DACH1: variants seen among roughly 807,000 people sequenced by gnomAD.
DACH1 encodes the protein dachshund homolog 1.
DACH1 carries 12 observed loss-of-function variants against 54.2 expected under a neutral mutation model. The ratio of observed to expected loss-of-function variants is 0.22; its 90% CI spans 0.14 to 0.36. The LOEUF (loss-of-function observed/expected upper bound fraction) is 0.36. DACH1 is among the 10% of genes least tolerant of loss of function. DACH1 has a pLI of 1.00. For synonymous variants in DACH1, 386 were observed against 366.2 expected (o/e 1.05, Z -0.62); for missense variants, 805 against 929.8 (o/e 0.87, Z 1.75).
At chr13:71,569,440 T>C (rs150872487) in intron 4 of DACH1, among the ~76,000 whole-genome samples, 83 of 152,318 alleles carry the variant, frequency 5.4e-4, no homozygotes, top group African/African-American at 1.6e-3. Context: ...GAATTTCATA[T>C]AATTCTCATG....
intron 6 of DACH1, among the ~76,000 whole-genome samples, chr13:71,523,015 T>C (rs1422011397): frequency 1.3e-5 from 2 of 152,150 alleles, no homozygotes; most frequent in African/African-American, 4.8e-5. Context: ...CTGCAATTAC[T>C]GAATGCCACT....
At chr13:71,502,767 C>A (rs145873964) in intron 6 of DACH1, among the ~76,000 whole-genome samples, 1 of 152,260 alleles carries the variant, frequency 6.6e-6, no homozygotes, top group East Asian at 1.9e-4. Context: ...CCATAAGAAC[C>A]TTGTGTAGGT....
At chr13:71,515,386 C>A (rs1566309663) in intron 6 of DACH1, among the ~76,000 whole-genome samples, 1 of 151,782 alleles carries the variant, frequency 6.6e-6, no homozygotes, top group Non-Finnish European at 1.5e-5. Context: ...TGAATATTTT[C>A]ACGGAGTCAG....
At chr13:71,648,398 C>A (rs567413970) in intron 2 of DACH1, among the ~76,000 whole-genome samples, 23 of 151,842 alleles carry the variant, frequency 1.5e-4, no homozygotes, top group African/African-American at 5.6e-4. Context: ...TCAAGAGAGG[C>A]GACGAGAAGA....
intron 6 of DACH1, among the ~76,000 whole-genome samples, chr13:71,506,753 A>G (rs1880362894): frequency 2.0e-5 from 3 of 152,154 alleles, no homozygotes; most frequent in South Asian, 2.1e-4. Flanking sequence ...ATAATGCCAC[A>G]TATCTACAAC....
intron 7 of DACH1, among the ~76,000 whole-genome samples, chr13:71,484,819 G>A (rs528353588): frequency 6.4e-4 from 98 of 152,230 alleles, no homozygotes; most frequent in African/African-American, 2.3e-3. Flanking sequence ...TGTAACCCCA[G>A]CACTTTGGGA....
chr13:71,522,606 C>T (rs900867654), intron 6 of DACH1, among the ~76,000 whole-genome samples: 1 of 152,006 alleles, frequency 6.6e-6, no homozygotes, highest in African/African-American at 2.4e-5. Flanking sequence ...CAAATACAAC[C>T]TTCAGTTTAT....
chr13:71,864,180 T>TACAC (rs55651625), intron 1 of DACH1, among the ~76,000 whole-genome samples: 3,224 of 108,408 alleles, frequency 0.03, 51 homozygotes, highest in Middle Eastern at 0.061. Flanking sequence ...CGCGCGCACA[T>TACAC]ACACACACAC....
chr13:71,672,806 A>G (rs1432412090), intron 2 of DACH1, among the ~76,000 whole-genome samples: 1 of 152,186 alleles, frequency 6.6e-6, no homozygotes, highest in Non-Finnish European at 1.5e-5. Context: ...GGATTAGAAC[A>G]CTAAGAATTT....
At chr13:71,839,770 T>A (rs1279909574) in intron 1 of DACH1, among the ~76,000 whole-genome samples, 19 of 152,142 alleles carry the variant, frequency 1.2e-4, no homozygotes, top group Admixed American at 1.2e-3. Context: ...ATTATTTATG[T>A]TCACTAAACC....
intron 2 of DACH1, among the ~76,000 whole-genome samples, chr13:71,681,403 T>C (rs565854966): frequency 6.6e-6 from 1 of 152,214 alleles, no homozygotes; most frequent in Non-Finnish European, 1.5e-5. Flanking sequence ...TATCAATTTC[T>C]GGAATGCTAA....
At chr13:71,465,764 T>C (rs1876513309) in intron 10 of DACH1, among the ~76,000 whole-genome samples, 1 of 152,106 alleles carries the variant, frequency 6.6e-6, no homozygotes, top group Admixed American at 6.5e-5. Context: ...AATTAACGTA[T>C]TGACTATAAT....
At chr13:71,786,531 G>T (rs574710201) in intron 1 of DACH1, among the ~76,000 whole-genome samples, 15 of 152,170 alleles carry the variant, frequency 9.9e-5, no homozygotes, top group South Asian at 2.1e-4. Flanking sequence ...AAGTAAAAAG[G>T]TTAATAAAAT....
intron 10 of DACH1, among the ~76,000 whole-genome samples, chr13:71,441,902 T>C (rs1485299847): frequency 6.6e-6 from 1 of 152,068 alleles, no homozygotes; most frequent in Non-Finnish European, 1.5e-5. Context: ...AAAATGTTTT[T>C]AATTCTTGTG....
intron 2 of DACH1, among the ~76,000 whole-genome samples, chr13:71,654,628 C>T (rs1358884759): frequency 1.3e-5 from 2 of 151,862 alleles, no homozygotes; most frequent in East Asian, 1.9e-4. Flanking sequence ...AAAACTGACC[C>T]ACATGTCCAA....
intron 1 of DACH1, among the ~76,000 whole-genome samples, chr13:71,828,731 C>T (rs114484023): frequency 7.2e-4 from 109 of 152,030 alleles, no homozygotes; most frequent in African/African-American, 2.5e-3. Context: ...GTGGTTTGAT[C>T]TTTCCTTTTA....
At chr13:71,548,452 T>C (rs1231840543) in intron 6 of DACH1, among the ~76,000 whole-genome samples, 1 of 152,176 alleles carries the variant, frequency 6.6e-6, no homozygotes, top group Non-Finnish European at 1.5e-5. Context: ...ACTGAACTTT[T>C]AACAGTCATT....
chr13:71,732,637 G>A (rs1883804040), intron 1 of DACH1, among the ~76,000 whole-genome samples: 1 of 150,564 alleles, frequency 6.6e-6, no homozygotes, highest in African/African-American at 2.4e-5. Context: ...CTAGAGCAGA[G>A]GTCAGCAAAT....
At chr13:71,442,839 T>C (rs1874129470) in intron 10 of DACH1, among the ~76,000 whole-genome samples, 2 of 151,930 alleles carry the variant, frequency 1.3e-5, no homozygotes, top group Admixed American at 1.3e-4. Context: ...ATATAAGTTA[T>C]GTAAATGTAG....
Sources: allele counts gnomAD v4.1 joint callset (sites outside exome capture counted in the v4.1 genomes callset), GRCh38; gene constraint gnomAD v4.1.1; transcripts MANE v1.5; gene names NCBI Gene and HGNC (gene_info 2026-07-23, HGNC 2026-07-21).